EPHB2: variants seen among roughly 807,000 people sequenced by gnomAD.
EPHB2 encodes EPH receptor B2, also known as ephrin type-B receptor 2.
A neutral mutation model predicts 96.4 loss-of-function variants in EPHB2; 18 were observed. The observed-to-expected ratio is 0.19, with a 90% CI of 0.13 to 0.28. The LOEUF (loss-of-function observed/expected upper bound fraction) is 0.28. Ranked by LOEUF, EPHB2 falls within the 10% of genes least tolerant of loss-of-function variation. EPHB2 has a pLI of 1.00. For missense variants in EPHB2, 989 were observed against 1,355.4 expected (o/e 0.73, Z 4.25); for synonymous variants, 506 against 534.1 (o/e 0.95, Z 0.72).
intron 1 of EPHB2, among the ~76,000 whole-genome samples, chr1:22,746,396 C>T (rs1643974626): frequency 6.6e-6 from 1 of 152,140 alleles, no homozygotes. Flanking sequence ...GGCAAAGATC[C>T]AGTAGGAGTG....
In EPHB2 at chr1:22,860,271, G is replaced by C. The variant is rs111509506; in HGVS notation, c.812-2766G>C. The stretch of plus-strand genomic sequence containing the variant: ...AAAGAGCTTTCTAGATGCTGGCAGC[G>C]GGGGGAGCGGCCAAGACCAGACCAG... On this transcript the variant is annotated intron_variant, in intron 3 of 15. Transcript: ENST00000374630. The surrounding 1 kb of genome is among the most constrained non-coding windows in gnomAD (Gnocchi z 4.6). 6.6e-5 allele frequency among the ~76,000 whole-genome samples: 10 copies of C among 152,216 alleles called. No individual in the cohort carries two copies. Among genetic ancestry groups the C allele is most frequent in the East Asian group, 1.9e-4 (1 of 5,178 alleles).
At chr1:22,822,313 T>C (rs1645163171) in intron 3 of EPHB2, among the ~76,000 whole-genome samples, 2 of 147,536 alleles carry the variant, frequency 1.4e-5, no homozygotes, top group South Asian at 2.3e-4. Context: ...CGAAACCCCA[T>C]CTCTATTTTT....
chr1:22,901,194 A>C (rs1409882578), intron 9 of EPHB2, among the ~76,000 whole-genome samples: 1 of 152,218 alleles, frequency 6.6e-6, no homozygotes, highest in Admixed American at 6.5e-5. Context: ...AACAGTTTAC[A>C]ATTATTCAGC....
At chr1:22,724,429 A>C (rs1056435216) in intron 1 of EPHB2, among the ~76,000 whole-genome samples, 3 of 152,188 alleles carry the variant, frequency 2.0e-5, no homozygotes, top group African/African-American at 7.2e-5. Flanking sequence ...GGCAGCGACC[A>C]GGAAGAGTAA....
intron 1 of EPHB2, 44 bp from the exon 2 acceptor site, chr1:22,781,377 C>A (rs868257031): frequency 6.3e-7 from 1 of 1,592,180 alleles, no homozygotes; most frequent in African/African-American, 1.3e-5. Flanking sequence ...ATTGACAGCG[C>A]CTGGTAGGTG....
intron 1 of EPHB2, among the ~76,000 whole-genome samples, chr1:22,763,252 GGGCTGATAATAGTTCCT>G (rs1236155874): frequency 6.6e-6 from 1 of 152,144 alleles, no homozygotes; most frequent in Non-Finnish European, 1.5e-5. Context: ...CTATAAAATG[GGGCTGATAATAGTTCCT>G]GTCTCATTGG....
intron 13 of EPHB2, among the ~76,000 whole-genome samples, chr1:22,909,468 G>A (rs1483751847): frequency 6.6e-6 from 1 of 152,264 alleles, no homozygotes; most frequent in Non-Finnish European, 1.5e-5. Flanking sequence ...CCCTTCAGGT[G>A]TTCACCACCT....
intron 9 of EPHB2, among the ~76,000 whole-genome samples, chr1:22,901,381 A>G (rs1026215316): frequency 2.0e-5 from 3 of 152,212 alleles, no homozygotes; most frequent in Non-Finnish European, 2.9e-5. Flanking sequence ...ACAGTGGTTG[A>G]TCCTGGCTTC....
chr1:22,899,362 G>A (rs1030020019), intron 9 of EPHB2, among the ~76,000 whole-genome samples: 10 of 151,654 alleles, frequency 6.6e-5, no homozygotes, highest in African/African-American at 1.5e-4. Flanking sequence ...TTAGCCTGGC[G>A]TGGTGGTGTG....
chr1:22,739,603 A>G (rs1643879881), intron 1 of EPHB2, among the ~76,000 whole-genome samples: 1 of 152,166 alleles, frequency 6.6e-6, no homozygotes, highest in South Asian at 2.1e-4. Context: ...TCTGAAGTGA[A>G]CTACCCAGAC....
At chr1:22,764,881 G>A (rs1270168018) in intron 1 of EPHB2, among the ~76,000 whole-genome samples, 1 of 152,220 alleles carries the variant, frequency 6.6e-6, no homozygotes. Flanking sequence ...ACTCGCTCCA[G>A]TGGCAGATAC....
intron 1 of EPHB2, among the ~76,000 whole-genome samples, chr1:22,771,483 G>C (rs1339854317): frequency 6.6e-6 from 1 of 152,202 alleles, no homozygotes; most frequent in Non-Finnish European, 1.5e-5. Context: ...ACACAACTTA[G>C]AACCACTCAG....
intron 9 of EPHB2, among the ~76,000 whole-genome samples, chr1:22,898,408 A>G (rs1639639565): frequency 6.6e-6 from 1 of 152,220 alleles, no homozygotes; most frequent in African/African-American, 2.4e-5. Context: ...AAGAGGGAAC[A>G]GCCAATACAA....
chr1:22,893,548 A>C (rs1639459822), intron 7 of EPHB2, among the ~76,000 whole-genome samples: 1 of 152,176 alleles, frequency 6.6e-6, no homozygotes, highest in East Asian at 1.9e-4. Context: ...CCCACTCTGG[A>C]ACTACATGGT....
intron 1 of EPHB2, among the ~76,000 whole-genome samples, chr1:22,754,080 T>A (rs1644106580): frequency 6.6e-6 from 1 of 152,082 alleles, no homozygotes; most frequent in South Asian, 2.1e-4. Flanking sequence ...TGGGCCTGAG[T>A]GTTCTGTGGG....
At chr1:22,746,135 G>A (rs1435403674) in intron 1 of EPHB2, among the ~76,000 whole-genome samples, 2 of 152,160 alleles carry the variant, frequency 1.3e-5, no homozygotes, top group South Asian at 2.1e-4. Flanking sequence ...TGGAAAGATC[G>A]CACCAGACAC....
chr1:22,871,098 C>T (rs1235238892), intron 5 of EPHB2, among the ~76,000 whole-genome samples: 5 of 152,188 alleles, frequency 3.3e-5, no homozygotes, highest in African/African-American at 7.2e-5. Context: ...ATCCTCACAA[C>T]GATACGAGGT....
At position 22,908,135 on chromosome 1, in the gene EPHB2, C is replaced by T. The variant is rs141632768; in HGVS notation, c.2319C>T (p.Asp773=). 4.5e-5 allele frequency: 72 copies of T among 1,614,120 alleles called. No individual in the cohort carries two copies. The highest frequency in any genetic ancestry group is 1.6e-4 in the Middle Eastern group (1 of 6,084). ...TTGGGCTCTCACGCTTTCTAGAGGA[C>T]GATACCTCAGACCCCACCTACACCA... ...SDFGLSRFLE[D]DTSDPTYTSA... The change falls in exon 12 of 16, where the codon GAC becomes GAT. Residue 773 remains aspartate, a synonymous_variant. Coordinates refer to ENST00000374630, the MANE Select transcript of EPHB2 (RefSeq NM_017449.5).
rs1171812853 is a variant in EPHB2, at chr1:22,919,583, C to T, written c.*6013C>T. 1 of 152,982 alleles carries T rather than the reference C, an allele frequency of 6.5e-6. No homozygotes were observed. The highest frequency in any genetic ancestry group is 1.5e-5 in the Non-Finnish European group (1 of 68,694). 9.5% of individuals were successfully genotyped at this position (152,982 alleles called of 1,614,324 possible). On this transcript the variant is annotated 3_prime_UTR_variant, in exon 16 of 16. Transcript: ENST00000374630. ...AGCTGGACCTAGAGCTACAGATGCC[C>T]CACCACCACTACCAAGCCCGGCTAC...
Sources: allele counts gnomAD v4.1 joint callset (sites outside exome capture counted in the v4.1 genomes callset), GRCh38; gene constraint gnomAD v4.1.1; non-coding constraint Gnocchi (gnomAD v3.1); transcripts MANE v1.5; gene names NCBI Gene and HGNC (gene_info 2026-07-23, HGNC 2026-07-21).